The following UNC5D variants were observed in gnomAD, a reference collection of about 807,000 sequenced individuals.
UNC5D encodes unc-5 netrin receptor D.
Under a neutral mutation model 105.4 loss-of-function variants are expected in UNC5D, and 39 were observed. The observed-to-expected ratio is 0.37, with a 90% CI of 0.29 to 0.48. UNC5D has a LOEUF of 0.48. UNC5D is among the 20% of genes least tolerant of loss of function. The probability of loss-of-function intolerance (pLI) is 0.98; values close to 1 mark genes in which losing one functional copy is unlikely to be tolerated. For missense variants in UNC5D, 991 were observed against 1,202.4 expected, an observed-to-expected ratio of 0.82 and a Z score of 2.60; for synonymous variants, 452 against 450.4, an observed-to-expected ratio of 1.00 and a Z score of -0.04.
At chr8:35,405,515 T>G (rs191591078) in intron 1 of UNC5D, among the ~76,000 whole-genome samples, 1 of 152,318 alleles carries the variant, frequency 6.6e-6, no homozygotes, top group East Asian at 1.9e-4. Context: ...GATTTAATAA[T>G]AATTGGAAAT....
chr8:35,302,638 C>A (rs1808046924), intron 1 of UNC5D, among the ~76,000 whole-genome samples: 4 of 152,132 alleles, frequency 2.6e-5, no homozygotes, highest in Admixed American at 2.6e-4. Flanking sequence ...TTAAAAAAAT[C>A]TTTTAATTTT....
intron 4 of UNC5D, among the ~76,000 whole-genome samples, chr8:35,672,326 G>A (rs1824865431): frequency 1.3e-5 from 2 of 152,086 alleles, no homozygotes; most frequent in African/African-American, 2.4e-5. Flanking sequence ...GGAGGGAGGG[G>A]GTAAATGTGA....
chr8:35,554,503 C>G (rs769480365), intron 2 of UNC5D, among the ~76,000 whole-genome samples: 3 of 152,140 alleles, frequency 2.0e-5, no homozygotes, highest in Non-Finnish European at 4.4e-5. Context: ...GAGAAGTAAT[C>G]TCAACCCAGG....
intron 3 of UNC5D, among the ~76,000 whole-genome samples, chr8:35,584,537 C>T (rs1818662198): frequency 6.6e-6 from 1 of 152,072 alleles, no homozygotes; most frequent in African/African-American, 2.4e-5. Context: ...GTCTCAGCCT[C>T]CCAAGTAGCT....
intron 1 of UNC5D, among the ~76,000 whole-genome samples, chr8:35,545,920 G>C (rs969994295): frequency 6.6e-6 from 1 of 151,864 alleles, no homozygotes; most frequent in Non-Finnish European, 1.5e-5. Flanking sequence ...AATAGGGTCT[G>C]TCTCTCTCTG....
Position 35,790,383 on chromosome 8 carries a change from A to C in UNC5D, c.2682A>C (p.Gln894His), listed in dbSNP as rs1301957487. 3 of 1,613,838 alleles carry C rather than the reference A, an allele frequency of 1.9e-6. No homozygotes were observed. Among genetic ancestry groups the C allele is most frequent in the South Asian group, 2.2e-5 (2 of 91,074 alleles). Residue 894 changes from glutamine (Q) to histidine (H), a missense_variant, in exon 17 of 17, where the codon CAA becomes CAC. Gln to His is a conservative substitution (Grantham distance 24). Transcript: ENST00000404895. ...INRNLSYFAT[Q>H]SSPSAVILNL... Reference sequence around the variant, plus strand: ...GGAATTTATCTTATTTCGCTACACAAAGTAGCCCATCTGCTGTCATTTTGA... The same window carrying C: ...GGAATTTATCTTATTTCGCTACACACAGTAGCCCATCTGCTGTCATTTTGA...
At chr8:35,413,628 A>G (rs1256563281) in intron 1 of UNC5D, among the ~76,000 whole-genome samples, 1 of 152,070 alleles carries the variant, frequency 6.6e-6, no homozygotes, top group Non-Finnish European at 1.5e-5. Context: ...TTTGATCTTG[A>G]TGAAAGGATC....
chr8:35,599,670 T>C (rs1461407501), intron 4 of UNC5D, among the ~76,000 whole-genome samples: 1 of 152,188 alleles, frequency 6.6e-6, no homozygotes, highest in African/African-American at 2.4e-5. Flanking sequence ...TTGTTTTGTT[T>C]TGTCTTTCTC....
At chr8:35,674,167 A>ATTGT (rs916237811) in intron 4 of UNC5D, among the ~76,000 whole-genome samples, 4 of 152,186 alleles carry the variant, frequency 2.6e-5, no homozygotes, top group African/African-American at 7.2e-5. Flanking sequence ...TCCCAAGAAA[A>ATTGT]TTGTTTGCAA....
chr8:35,280,711 T>G (rs1407648382), intron 1 of UNC5D, among the ~76,000 whole-genome samples: 2 of 152,236 alleles, frequency 1.3e-5, no homozygotes, highest in Non-Finnish European at 2.9e-5. Context: ...TCTAGTTTAC[T>G]ACTGCTGCCT....
intron 1 of UNC5D, among the ~76,000 whole-genome samples, chr8:35,534,468 A>C (rs1456719301): frequency 6.6e-6 from 1 of 151,990 alleles, no homozygotes; most frequent in African/African-American, 2.4e-5. Context: ...CTCCTGTTTG[A>C]GAAACCTTGT....
At chr8:35,742,588 G>A (rs1172537400) in intron 11 of UNC5D, among the ~76,000 whole-genome samples, 5 of 152,168 alleles carry the variant, frequency 3.3e-5, no homozygotes, top group Non-Finnish European at 5.9e-5. Flanking sequence ...AGGAGGAAAG[G>A]AGGGAATGGT....
intron 4 of UNC5D, among the ~76,000 whole-genome samples, chr8:35,602,967 T>G (rs1820000828): frequency 1.3e-5 from 2 of 148,972 alleles, no homozygotes; most frequent in Non-Finnish European, 3.0e-5. Context: ...AGTGAGAATA[T>G]GGGGTGTTTG....
At chr8:35,517,919 G>A (rs144208677) in intron 1 of UNC5D, among the ~76,000 whole-genome samples, 194 of 152,172 alleles carry the variant, frequency 1.3e-3, no homozygotes, top group South Asian at 2.9e-3. Flanking sequence ...AAGGAACAAG[G>A]GATCTCACAG....
chr8:35,259,473 C>T (rs189033656), intron 1 of UNC5D, among the ~76,000 whole-genome samples: 1 of 152,206 alleles, frequency 6.6e-6, no homozygotes, highest in East Asian at 1.9e-4. Flanking sequence ...AGGCTGCTGC[C>T]TCGTGTTTTA....
chr8:35,458,088 A>C (rs577326097), intron 1 of UNC5D, among the ~76,000 whole-genome samples: 2 of 152,242 alleles, frequency 1.3e-5, no homozygotes, highest in African/African-American at 2.4e-5. Flanking sequence ...ACTGGAGAGC[A>C]CTGCTGCCTG....
intron 9 of UNC5D, among the ~76,000 whole-genome samples, chr8:35,724,609 G>A (rs918726687): frequency 3.3e-5 from 5 of 152,120 alleles, no homozygotes; most frequent in Non-Finnish European, 4.4e-5. Flanking sequence ...GGCATTTCCC[G>A]CTCAAGTGCT....
intron 11 of UNC5D, among the ~76,000 whole-genome samples, chr8:35,738,295 T>C (rs981361362): frequency 2.0e-5 from 3 of 152,214 alleles, no homozygotes; most frequent in Admixed American, 6.5e-5. Flanking sequence ...TTAGTAACTT[T>C]GCTTTCAGAT....
intron 1 of UNC5D, among the ~76,000 whole-genome samples, chr8:35,275,617 C>T (rs1805722176): frequency 6.6e-6 from 1 of 152,142 alleles, no homozygotes; most frequent in Admixed American, 6.6e-5. Context: ...TGTATTTTGA[C>T]AAGCATGGCT....
Sources: allele counts gnomAD v4.1 joint callset (sites outside exome capture counted in the v4.1 genomes callset), GRCh38; gene constraint gnomAD v4.1.1; transcripts MANE v1.5; gene names NCBI Gene and HGNC (gene_info 2026-07-23, HGNC 2026-07-21).